CDC42BPA: variants seen among roughly 807,000 people sequenced by gnomAD.
CDC42BPA encodes the protein CDC42 binding protein kinase alpha, also known as serine/threonine-protein kinase MRCK alpha.
CDC42BPA carries 80 observed loss-of-function variants against 223.5 expected under a neutral mutation model. The observed-to-expected ratio is 0.36, with a 90% CI of 0.30 to 0.43. The LOEUF is 0.43. Among genes scored for constraint, CDC42BPA ranks in the 20% least tolerant of loss-of-function variants. The probability of loss-of-function intolerance (pLI) is 1.00; values close to 1 mark genes in which losing one functional copy is unlikely to be tolerated. For synonymous variants in CDC42BPA, 694 were observed against 718.6 expected (o/e 0.97, Z 0.55); for missense variants, 1,743 against 2,099.9 (o/e 0.83, Z 3.32).
chr1:227,265,017 T>C (rs1275394811), intron 1 of CDC42BPA: 12 of 803,774 alleles, frequency 1.5e-5, no homozygotes, highest in Non-Finnish European at 1.1e-5. Flanking sequence ...CTGCAATTTC[T>C]GTCATCACAC....
chr1:227,073,923 G>T lies in CDC42BPA; in HGVS notation c.2676C>A (p.Ala892=). ...TCAACTCTTCTTGGATGGCCTGTTT[G>T]GCTCTTATTTCTGCATCCAGAGCCG... The part of the protein sequence containing the change: ...LQSALDAEIR[A]KQAIQEELNK... Residue 892 remains alanine, a synonymous_variant, in exon 19 of 37, where the codon GCC becomes GCA. Coordinates refer to ENST00000366766, the MANE Select transcript of CDC42BPA (RefSeq NM_001394014.1). 3 of 1,610,998 alleles carry T rather than the reference G, an allele frequency of 1.9e-6. No individual in the cohort carries two copies. Among genetic ancestry groups the T allele is most frequent in the Non-Finnish European group, 2.5e-6 (3 of 1,179,178 alleles).
chr1:227,031,666 A>G (rs896613754), intron 27 of CDC42BPA, 152 bp from the exon 28 acceptor site: 8 of 640,056 alleles, frequency 1.2e-5, no homozygotes, highest in Non-Finnish European at 2.2e-5. Flanking sequence ...TAATCAGAAT[A>G]ACTACCTTTA....
chr1:227,123,221 G>C (rs1688975275), intron 11 of CDC42BPA, among the ~76,000 whole-genome samples: 1 of 152,170 alleles, frequency 6.6e-6, no homozygotes, highest in South Asian at 2.1e-4. Flanking sequence ...AGAATCACTT[G>C]AACCTAGGAG....
At chr1:227,277,513 A>C (rs1328932786) in intron 1 of CDC42BPA, among the ~76,000 whole-genome samples, 1 of 152,252 alleles carries the variant, frequency 6.6e-6, no homozygotes, top group African/African-American at 2.4e-5. Context: ...TCAAAGCATT[A>C]GTAAATCAAA....
intron 1 of CDC42BPA, among the ~76,000 whole-genome samples, chr1:227,291,044 C>T (rs1375975240): frequency 2.0e-5 from 3 of 152,106 alleles, no homozygotes; most frequent in Non-Finnish European, 2.9e-5. Flanking sequence ...AGCCCATATA[C>T]CTCAATAATC....
intron 34 of CDC42BPA, among the ~76,000 whole-genome samples, chr1:227,014,637 G>A (rs1214298415): frequency 6.6e-6 from 1 of 152,040 alleles, no homozygotes; most frequent in Non-Finnish European, 1.5e-5. Context: ...CTCTGTCAGT[G>A]ATAGATGTTT....
At position 226,991,529 on chromosome 1, in the gene CDC42BPA, C is replaced by T. The variant is rs138108319; in HGVS notation, c.*2739G>A. 1.6e-4 allele frequency: 24 copies of T among 152,328 alleles called. No individual in the cohort carries two copies. Among genetic ancestry groups the T allele is most frequent in the African/African-American group, 5.8e-4 (24 of 41,558 alleles). 9.4% of individuals were successfully genotyped at this position (152,328 alleles called of 1,614,324 possible). A position where few individuals can be genotyped will look rare whatever the true frequency, so the allele number is the denominator to read the frequency against. On this transcript the variant is annotated 3_prime_UTR_variant, in exon 37 of 37. Coordinates refer to ENST00000366766, the MANE Select transcript of CDC42BPA (RefSeq NM_001394014.1). ...TATTCCCCCTGGCAGTGTTTCTCTC[C>T]TAAAGCCCTGCTTTTAGAATCTGCA...
At position 227,016,873 on chromosome 1, in the gene CDC42BPA, G is replaced by A. The variant is rs995162285; in HGVS notation, c.4739+54C>T. On this transcript the variant is annotated intron_variant, in intron 33 of 36. Transcript: ENST00000366766. ...AAATCAAATATAGTATCATCACCGA[G>A]TAGTCCTTGATGGTACAAGCAAGCA... 4.7e-6 allele frequency: 7 copies of A among 1,500,566 alleles called. No homozygotes were observed. In the Admixed American group the frequency reaches 6.5e-5, roughly 14 times the overall value. 93.0% of individuals were successfully genotyped at this position (1,500,566 alleles called of 1,614,324 possible).
chr1:227,165,875 C>A (rs1033766138), intron 5 of CDC42BPA, among the ~76,000 whole-genome samples: 2 of 152,076 alleles, frequency 1.3e-5, no homozygotes, highest in Non-Finnish European at 2.9e-5. Context: ...TTCAATATAA[C>A]CTTTTTTTGT....
intron 16 of CDC42BPA, among the ~76,000 whole-genome samples, chr1:227,087,680 G>T (rs1682259369): frequency 6.6e-6 from 1 of 152,164 alleles, no homozygotes; most frequent in Non-Finnish European, 1.5e-5. Context: ...CTCTCCATTT[G>T]TTCAGATAGT....
At chr1:227,114,161 G>A (rs1687407421) in intron 12 of CDC42BPA, among the ~76,000 whole-genome samples, 1 of 151,860 alleles carries the variant, frequency 6.6e-6, no homozygotes, top group Admixed American at 6.6e-5. Flanking sequence ...ATGACGCTGG[G>A]TAATACCAAA....
At chr1:227,119,570 T>C (rs1209944568) in intron 12 of CDC42BPA, among the ~76,000 whole-genome samples, 1 of 152,094 alleles carries the variant, frequency 6.6e-6, no homozygotes, top group Non-Finnish European at 1.5e-5. Context: ...CCTTTGACTA[T>C]TAACTTTCTA....
intron 1 of CDC42BPA, chr1:227,265,340 C>T (rs1684804173): frequency 2.8e-6 from 1 of 360,386 alleles, no homozygotes; most frequent in Non-Finnish European, 5.2e-6. Flanking sequence ...TCATAACCCT[C>T]ACAGGGTCAT....
intron 21 of CDC42BPA, chr1:227,068,751 T>C: frequency 1.5e-6 from 1 of 664,478 alleles, no homozygotes. Context: ...GATGAAGCAA[T>C]TTAATAAGAA....
chr1:227,248,518 C>T (rs1681401348), intron 2 of CDC42BPA, among the ~76,000 whole-genome samples: 1 of 151,988 alleles, frequency 6.6e-6, no homozygotes, highest in Non-Finnish European at 1.5e-5. Context: ...TTTACAATAG[C>T]CACAAATAAA....
intron 2 of CDC42BPA, among the ~76,000 whole-genome samples, chr1:227,223,584 G>C (rs1676317627): frequency 6.6e-6 from 1 of 152,168 alleles, no homozygotes; most frequent in Admixed American, 6.5e-5. Flanking sequence ...TACTGAGTCA[G>C]TGACTGGTGA....
chr1:227,069,763 T>G lies in CDC42BPA; in HGVS notation c.2904+14A>C. ...AATTGACCCCAGAGGATATGTGACA[T>G]GTTTAATACTTACTTCAAATTGATC... On this transcript the variant is annotated intron_variant, in intron 21 of 36. Coordinates refer to ENST00000366766, the MANE Select transcript of CDC42BPA (RefSeq NM_001394014.1). 6.4e-7 allele frequency: 1 copy of G among 1,566,668 alleles called. No homozygotes were observed. Among genetic ancestry groups the G allele is most frequent in the Non-Finnish European group, 8.8e-7 (1 of 1,139,758 alleles).
In CDC42BPA at chr1:227,318,090, G is replaced by A. The variant is rs1329016321; in HGVS notation, c.-908C>T. ...GAGCCGCGCCGCGCCGCGCCGGGCA[G>A]AGAGCCCGGTCTCCCCGACACCCGC... On this transcript the variant is annotated 5_prime_UTR_variant, in exon 1 of 37. Transcript: ENST00000366766. The A allele has an allele frequency of 8.9e-6, 2 of 224,776 alleles. No homozygotes were observed. Among genetic ancestry groups the A allele is most frequent in the African/African-American group, 2.8e-5 (1 of 36,004 alleles). The allele number at this position is 224,776 out of a possible 1,614,324, so 13.9% of individuals were successfully genotyped here. A position where few individuals can be genotyped will look rare whatever the true frequency, so the allele number is the denominator to read the frequency against.
chr1:227,293,047 G>C (rs1231785677), intron 1 of CDC42BPA, among the ~76,000 whole-genome samples: 1 of 152,118 alleles, frequency 6.6e-6, no homozygotes, highest in East Asian at 1.9e-4. Flanking sequence ...TCAATGTTGA[G>C]ATTTAACTGT....
Sources: gnomAD v4.1 joint callset for allele counts (sites outside exome capture counted in the v4.1 genomes callset) on GRCh38, gnomAD v4.1.1 for gene constraint, MANE v1.5 for transcripts, NCBI Gene and HGNC (gene_info 2026-07-23, HGNC 2026-07-21) for gene names.